EPHB1: variants seen among roughly 807,000 people sequenced by gnomAD.
EPHB1 encodes the protein EPH receptor B1.
Under a neutral mutation model 94.4 loss-of-function variants are expected in EPHB1, and 30 were observed. The observed-to-expected ratio is 0.32, with a 90% confidence interval of 0.24 to 0.43. The LOEUF (loss-of-function observed/expected upper bound fraction) is 0.43. Ranked by LOEUF, EPHB1 falls within the 20% of genes least tolerant of loss-of-function variation. EPHB1 has a pLI of 1.00. For synonymous variants in EPHB1, 522 were observed against 489.1 expected, an observed-to-expected ratio of 1.07 and a Z score of -0.89; for missense variants, 1,055 against 1,308.3, an observed-to-expected ratio of 0.81 and a Z score of 2.99.
At chr3:134,994,699 C>T (rs1366787395) in intron 3 of EPHB1, among the ~76,000 whole-genome samples, 2 of 152,226 alleles carry the variant, frequency 1.3e-5, no homozygotes, top group East Asian at 3.8e-4. Flanking sequence ...GCTGGGACTT[C>T]AGGCACATGC....
At chr3:134,909,402 G>A (rs868244193) in intron 1 of EPHB1, among the ~76,000 whole-genome samples, 5 of 152,350 alleles carry the variant, frequency 3.3e-5, no homozygotes, top group Middle Eastern at 3.4e-3. Context: ...TGACCACCTG[G>A]GTAGGGTGCT....
chr3:134,893,102 A>G (rs912014944), intron 1 of EPHB1, among the ~76,000 whole-genome samples: 2 of 152,210 alleles, frequency 1.3e-5, no homozygotes, highest in Non-Finnish European at 2.9e-5. Context: ...AAGAAGAGAT[A>G]TCCCCAGTAC....
intron 3 of EPHB1, among the ~76,000 whole-genome samples, chr3:135,058,693 T>C (rs1937411384): frequency 6.6e-6 from 1 of 152,230 alleles, no homozygotes; most frequent in South Asian, 2.1e-4. Context: ...CAACATTGAC[T>C]GTTCCCTGCA....
chr3:134,894,746 A>C (rs6786490), intron 1 of EPHB1, among the ~76,000 whole-genome samples: 79,754 of 152,058 alleles, frequency 0.52, 21,228 homozygotes, highest in South Asian at 0.62. Flanking sequence ...AATACACCTG[A>C]CATAGAAGGT....
rs537805704 is a variant in EPHB1 at position 135,174,126 on chromosome 3, C to A, written c.1760-5734C>A. 1.2e-4 allele frequency among the ~76,000 whole-genome samples: 18 copies of A among 152,312 alleles called. No individual in the cohort carries two copies. The South Asian group carries it at 3.7e-3, about 32-fold the overall frequency. On this transcript the variant is annotated intron_variant, in intron 9 of 15. Coordinates refer to ENST00000398015, the MANE Select transcript of EPHB1 (RefSeq NM_004441.5). ...CTCCAGCCCCTTCCCCACAGCACTGCATGCAAATGCTGCAGCTTGCCAGCA... is the reference window on the plus strand; with the variant it reads ...CTCCAGCCCCTTCCCCACAGCACTGAATGCAAATGCTGCAGCTTGCCAGCA...
chr3:135,106,092 A>G (rs771652796), intron 3 of EPHB1, among the ~76,000 whole-genome samples: 7 of 152,190 alleles, frequency 4.6e-5, no homozygotes, highest in Non-Finnish European at 8.8e-5. Flanking sequence ...ATGGATGTTA[A>G]CCAGGTAGAC....
chr3:135,160,109 A>G (rs968115353), intron 6 of EPHB1, among the ~76,000 whole-genome samples: 82 of 152,122 alleles, frequency 5.4e-4, no homozygotes, highest in African/African-American at 2.0e-3. Flanking sequence ...GTCATCTTCT[A>G]TTTATTTACC....
chr3:135,082,441 T>C (rs1245415703), intron 3 of EPHB1, among the ~76,000 whole-genome samples: 1 of 152,226 alleles, frequency 6.6e-6, no homozygotes, highest in African/African-American at 2.4e-5. Flanking sequence ...ATCACATTCC[T>C]AATTTACAGA....
At chr3:134,833,361 A>T (rs1011195028) in intron 1 of EPHB1, among the ~76,000 whole-genome samples, 2 of 152,188 alleles carry the variant, frequency 1.3e-5, no homozygotes, top group African/African-American at 4.8e-5. Flanking sequence ...TGTCATTAGG[A>T]CTGTGAGTGG....
chr3:134,814,302 G>C (rs765529018), intron 1 of EPHB1, among the ~76,000 whole-genome samples: 1 of 152,212 alleles, frequency 6.6e-6, no homozygotes, highest in Admixed American at 6.5e-5. Flanking sequence ...TTATGGATAA[G>C]CTGGGCCTTG....
chr3:134,923,260 A>G (rs1482069413), intron 1 of EPHB1, among the ~76,000 whole-genome samples: 1 of 152,212 alleles, frequency 6.6e-6, no homozygotes, highest in Non-Finnish European at 1.5e-5. Context: ...ACTCCTGTTC[A>G]TTCCCAGTTT....
chr3:134,924,947 A>G (rs2038760598), intron 1 of EPHB1, among the ~76,000 whole-genome samples: 1 of 152,230 alleles, frequency 6.6e-6, no homozygotes. Context: ...TTACAAAGGG[A>G]CTAAATAAAC....
At chr3:135,167,636 G>C (rs1372813170) in intron 9 of EPHB1, among the ~76,000 whole-genome samples, 3 of 152,172 alleles carry the variant, frequency 2.0e-5, no homozygotes, top group Non-Finnish European at 4.4e-5. Flanking sequence ...TTTCTCATCT[G>C]TATAATGACA....
chr3:135,167,529 A>G (rs1941684684), intron 9 of EPHB1, among the ~76,000 whole-genome samples: 1 of 152,198 alleles, frequency 6.6e-6, no homozygotes, highest in South Asian at 2.1e-4. Context: ...TTTCTCACTC[A>G]TTATCCTCTC....
At chr3:134,877,954 C>T (rs1052168816) in intron 1 of EPHB1, among the ~76,000 whole-genome samples, 4 of 152,186 alleles carry the variant, frequency 2.6e-5, no homozygotes, top group Non-Finnish European at 2.9e-5. Context: ...CAGGTGAAGT[C>T]GGAGTGAATC....
rs143287776 is a variant in EPHB1, at chr3:135,085,579, A to T, written c.806-20869A>T. On this transcript the variant is annotated intron_variant, in intron 3 of 15. Coordinates refer to ENST00000398015, the MANE Select transcript of EPHB1 (RefSeq NM_004441.5). ...TTTTATTGTGCCTGCCTCAGATGGA[A>T]TCTGCCTCTCTGGACAAAGATAGCA... Among the ~76,000 whole-genome samples the T allele has an allele frequency of 4.5e-4, 69 of 152,300 alleles. 1 individual carries two copies. The East Asian group carries it at 0.013, about 28-fold the overall frequency.
At chr3:135,071,077 C>A (rs140058928) in intron 3 of EPHB1, among the ~76,000 whole-genome samples, 1 of 152,260 alleles carries the variant, frequency 6.6e-6, no homozygotes, top group East Asian at 1.9e-4. Flanking sequence ...AAATACTGTC[C>A]CCCTCAAGGA....
chr3:135,248,224 G>A, intron 13 of EPHB1, 92 bp from the exon 14 acceptor site: 2 of 1,254,164 alleles, frequency 1.6e-6, no homozygotes, highest in East Asian at 2.5e-5. Flanking sequence ...AGACAGCCTG[G>A]ATCAGGGAGG....
rs540608392 is a variant in EPHB1 at position 135,007,090 on chromosome 3, T to A, written c.805+55038T>A. 1.1e-4 allele frequency among the ~76,000 whole-genome samples: 17 copies of A among 152,318 alleles called. 1 individual carries two copies. In the South Asian group the frequency reaches 3.5e-3, roughly 32 times the overall value. On this transcript the variant is annotated intron_variant, in intron 3 of 15. Coordinates refer to ENST00000398015, the MANE Select transcript of EPHB1 (RefSeq NM_004441.5). ...CAAAAGGAAGGCTGGCTGCCTGGGA[T>A]ATGAAAGATCTGATTTAGTCTACCT...
Sources: gnomAD v4.1 joint callset for allele counts (sites outside exome capture counted in the v4.1 genomes callset) on GRCh38, gnomAD v4.1.1 for gene constraint, MANE v1.5 for transcripts, NCBI Gene and HGNC (gene_info 2026-07-23, HGNC 2026-07-21) for gene names.